Variants in PCNX1 observed in about 807,000 individuals in gnomAD.
The protein encoded by PCNX1 is pecanex 1.
PCNX1 carries 78 observed loss-of-function variants against 242.2 expected under a neutral mutation model. That is an observed-to-expected ratio of 0.32 (90% CI 0.27 to 0.39). The LOEUF (loss-of-function observed/expected upper bound fraction) is 0.39, where lower values mean the gene tolerates loss of function less well. PCNX1 is among the 10% of genes least tolerant of loss of function. The pLI is 1.00. For missense variants in PCNX1, 2,581 were observed against 2,856.5 expected (o/e 0.90, Z 2.20); for synonymous variants, 1,024 against 1,032.9 (o/e 0.99, Z 0.17).
At chr14:70,974,244 G>T (rs868664413) in intron 5 of PCNX1, among the ~76,000 whole-genome samples, 231 of 117,028 alleles carry the variant, frequency 2.0e-3, no homozygotes, top group South Asian at 8.3e-3. Context: ...TTTTTTTGTT[G>T]TTTTTTTTTT....
At chr14:70,932,219 T>C (rs1327667386) in intron 1 of PCNX1, among the ~76,000 whole-genome samples, 2 of 152,218 alleles carry the variant, frequency 1.3e-5, no homozygotes, top group Non-Finnish European at 2.9e-5. Flanking sequence ...TTCTAATAGC[T>C]GGATGTGAAA....
chr14:71,003,028 G>A (rs2059548973), intron 8 of PCNX1, among the ~76,000 whole-genome samples: 1 of 149,522 alleles, frequency 6.7e-6, no homozygotes, highest in Non-Finnish European at 1.5e-5. Context: ...CTTCTTTTGT[G>A]AAGTGTGTCC....
intron 7 of PCNX1, among the ~76,000 whole-genome samples, chr14:70,989,975 A>G (rs1272302848): frequency 6.6e-6 from 1 of 152,256 alleles, no homozygotes; most frequent in Non-Finnish European, 1.5e-5. Flanking sequence ...TTCAAAAGGA[A>G]GAACATTTGA....
chr14:70,997,666 T>C (rs1222150413), intron 8 of PCNX1, among the ~76,000 whole-genome samples: 2 of 152,148 alleles, frequency 1.3e-5, no homozygotes, highest in African/African-American at 4.8e-5. Flanking sequence ...CTATCGTATT[T>C]GAATGGTGCC....
chr14:70,988,617 T>C lies in PCNX1; in HGVS notation c.2362T>C (p.Phe788Leu). The change falls in exon 7 of 36, where the codon TTT becomes CTT. Residue 788 changes from phenylalanine (F) to leucine (L), a missense_variant. By Grantham distance (22) the Phe-to-Leu change is conservative. Transcript: ENST00000304743. ...AVSFRRERST[F>L]RRQAVRRRHN... ...GTCATTTCGCCGTGAACGCAGCACA[T>C]TTAGGCGCCAGGCAGTACGGCGCCG... The C allele has an allele frequency of 6.2e-7, 1 of 1,614,048 alleles. No individual in the cohort carries two copies. The highest frequency in any genetic ancestry group is 1.1e-5 in the South Asian group (1 of 91,084).
chr14:70,957,799 T>C (rs967249536), intron 2 of PCNX1, among the ~76,000 whole-genome samples: 11 of 151,582 alleles, frequency 7.3e-5, no homozygotes, highest in African/African-American at 2.4e-4. Context: ...AGTTGACATA[T>C]GTGTATGTAT....
intron 6 of PCNX1, among the ~76,000 whole-genome samples, chr14:70,984,289 A>G (rs1423606691): frequency 6.6e-6 from 1 of 151,554 alleles, no homozygotes; most frequent in Non-Finnish European, 1.5e-5. Context: ...ATTTAATTGA[A>G]ATTGAGCTAC....
chr14:70,950,351 G>A (rs938251618), intron 2 of PCNX1, among the ~76,000 whole-genome samples: 1 of 152,004 alleles, frequency 6.6e-6, no homozygotes. Context: ...CGATTATTCT[G>A]TGATATTATG....
intron 8 of PCNX1, among the ~76,000 whole-genome samples, chr14:71,002,782 C>T (rs1441422265): frequency 2.6e-5 from 4 of 152,098 alleles, no homozygotes; most frequent in African/African-American, 9.7e-5. Flanking sequence ...TGTTGTTTCC[C>T]GTTTTTGGCT....
At chr14:70,948,706 C>T (rs1308022279) in intron 2 of PCNX1, among the ~76,000 whole-genome samples, 1 of 144,194 alleles carries the variant, frequency 6.9e-6, no homozygotes, top group Non-Finnish European at 1.5e-5. Context: ...TATATATACA[C>T]ACATACACAT....
At position 71,109,872 on chromosome 14, in the gene PCNX1, G is replaced by C; in HGVS notation, c.6963G>C (p.Gln2321His). The change falls in exon 36 of 36, where the codon CAG (glutamine) becomes CAC (histidine). Residue 2321 changes from glutamine to histidine, a missense_variant. By Grantham distance (24) the Gln-to-His change is conservative. Transcript: ENST00000304743. ...SHIDKAVLLV[Q>H]IDDKYVTVIE... ...TCGACAAGGCAGTGCTTCTGGTCCAGATTGATGATAAATATGTGACTGTAA... is the reference window on the plus strand; with the variant it reads ...TCGACAAGGCAGTGCTTCTGGTCCACATTGATGATAAATATGTGACTGTAA... 6.2e-7 allele frequency: 1 copy of C among 1,613,372 alleles called. No homozygotes were observed. The highest frequency in any genetic ancestry group is 8.5e-7 in the Non-Finnish European group (1 of 1,179,378).
At chr14:71,057,117 A>G (rs1255213265) in intron 25 of PCNX1, among the ~76,000 whole-genome samples, 2 of 151,950 alleles carry the variant, frequency 1.3e-5, no homozygotes, top group Non-Finnish European at 2.9e-5. Context: ...TATTTTATCT[A>G]CTTCCTTTAC....
At chr14:71,010,484 CT>C (rs1176122736) in intron 9 of PCNX1, among the ~76,000 whole-genome samples, 5 of 151,914 alleles carry the variant, frequency 3.3e-5, no homozygotes, top group African/African-American at 1.2e-4. Flanking sequence ...TAAAATATGT[CT>C]CATACGTTAC....
At chr14:71,041,357 A>G (rs2060698493) in intron 19 of PCNX1, among the ~76,000 whole-genome samples, 1 of 151,986 alleles carries the variant, frequency 6.6e-6, no homozygotes, top group Admixed American at 6.6e-5. Flanking sequence ...GTGACTTTTT[A>G]TTATGGCTTT....
At chr14:70,923,595 A>G (rs2056462624) in intron 1 of PCNX1, among the ~76,000 whole-genome samples, 1 of 152,192 alleles carries the variant, frequency 6.6e-6, no homozygotes, top group African/African-American at 2.4e-5. Context: ...ATCCCACTGT[A>G]GCATAAAGAT....
intron 11 of PCNX1, among the ~76,000 whole-genome samples, chr14:71,016,756 A>G (rs964083870): frequency 2.0e-5 from 3 of 152,192 alleles, no homozygotes; most frequent in African/African-American, 7.2e-5. Context: ...ATAGCACTAA[A>G]CACCTAGATT....
intron 1 of PCNX1, among the ~76,000 whole-genome samples, chr14:70,926,015 G>A (rs17108711): frequency 0.086 from 13,148 of 152,042 alleles, 693 homozygotes; most frequent in Admixed American, 0.17. Flanking sequence ...GTGTATTCCG[G>A]GATCCAAAAC....
At chr14:70,948,656 T>G (rs1450463222) in intron 2 of PCNX1, among the ~76,000 whole-genome samples, 1 of 150,918 alleles carries the variant, frequency 6.6e-6, no homozygotes, top group East Asian at 2.0e-4. Context: ...TAGATGTGTA[T>G]ATATACACGT....
chr14:71,094,645 C>G (rs937829204), intron 30 of PCNX1, among the ~76,000 whole-genome samples: 3 of 152,162 alleles, frequency 2.0e-5, no homozygotes, highest in Non-Finnish European at 4.4e-5. Context: ...AAAACTGTTA[C>G]GTTGGACGTG....
Sources: allele counts gnomAD v4.1 joint callset (sites outside exome capture counted in the v4.1 genomes callset), GRCh38; gene constraint gnomAD v4.1.1; transcripts MANE v1.5; gene names NCBI Gene and HGNC (gene_info 2026-07-23, HGNC 2026-07-21).